CA10: variants seen among roughly 807,000 people sequenced by gnomAD.
CA10 encodes the protein carbonic anhydrase 10 (inactive).
Under a neutral mutation model 44.2 loss-of-function variants are expected in CA10, and 14 were observed. The observed-to-expected ratio is 0.32, with a 90% CI of 0.21 to 0.50. The LOEUF (loss-of-function observed/expected upper bound fraction) is 0.50. Among genes scored for constraint, CA10 ranks in the 20% least tolerant of loss-of-function variants. The probability of loss-of-function intolerance (pLI) is 0.99; values close to 1 mark genes in which losing one functional copy is unlikely to be tolerated. For synonymous variants in CA10, 159 were observed against 141.6 expected (o/e 1.12, Z -0.87); for missense variants, 350 against 409.7 (o/e 0.85, Z 1.26).
At position 51,631,151 on chromosome 17, in the gene CA10, C is replaced by CTTTTGGAAGAATT. The variant is rs1912553074; in HGVS notation, c.*420_*432dup. On this transcript the variant is annotated 3_prime_UTR_variant, in exon 9 of 9. Transcript: ENST00000451037. Reference sequence around the variant, plus strand: ...ATCAGAGCTGTATTTTCTCCTCTCTCTTTTGGAAGAATTTTGTATGTACAA... The same window carrying CTTTTGGAAGAATT: ...ATCAGAGCTGTATTTTCTCCTCTCTCTTTTGGAAGAATTTTTTGGAAGAATTTTGTATGTACAA... The CTTTTGGAAGAATT allele has an allele frequency of 5.8e-6, 1 of 172,450 alleles. No individual in the cohort carries two copies. The highest frequency in any genetic ancestry group is 2.4e-5 in the African/African-American group (1 of 41,746). The allele number at this position is 172,450 out of a possible 1,614,324, so 10.7% of individuals were successfully genotyped here.
chr17:51,755,645 A>T (rs1296865072), intron 3 of CA10, among the ~76,000 whole-genome samples: 2 of 152,246 alleles, frequency 1.3e-5, no homozygotes, highest in Admixed American at 6.5e-5. Context: ...TCTGACGTGT[A>T]CAGGAGCTAC....
At chr17:51,958,556 A>C (rs1025281908) in intron 2 of CA10, among the ~76,000 whole-genome samples, 3 of 152,178 alleles carry the variant, frequency 2.0e-5, no homozygotes, top group African/African-American at 4.8e-5. Flanking sequence ...AGGGAATATA[A>C]AAGTGTATTA....
In CA10 at chr17:52,115,602, A is replaced by G. The variant is rs1345819471; in HGVS notation, c.61+42124T>C. Among the ~76,000 whole-genome samples, 10 of 151,762 alleles carry G rather than the reference A, an allele frequency of 6.6e-5. No individual in the cohort carries two copies. In the East Asian group the frequency reaches 2.0e-3, roughly 30 times the overall value. ...TCTTTTACATATTGGGGGGTGTTCC[A>G]CCCCCACCCCAATGGCCACAGGTGC... On this transcript the variant is annotated intron_variant, in intron 1 of 8. Transcript: ENST00000451037.
At chr17:52,106,864 C>A (rs1412642531) in intron 1 of CA10, among the ~76,000 whole-genome samples, 2 of 152,162 alleles carry the variant, frequency 1.3e-5, no homozygotes, top group East Asian at 3.8e-4. Context: ...GGAGTACATG[C>A]CTGTTTTTGA....
intron 4 of CA10, among the ~76,000 whole-genome samples, chr17:51,718,548 T>A (rs1223924982): frequency 6.6e-6 from 1 of 152,172 alleles, no homozygotes; most frequent in Non-Finnish European, 1.5e-5. Flanking sequence ...GCTCTTCATT[T>A]TTATCTTTTG....
chr17:51,876,870 C>G (rs977484458), intron 3 of CA10, among the ~76,000 whole-genome samples: 11 of 152,180 alleles, frequency 7.2e-5, no homozygotes, highest in African/African-American at 2.7e-4. Context: ...TGTTCTGTAT[C>G]TTTGTGAGTA....
intron 4 of CA10, among the ~76,000 whole-genome samples, chr17:51,685,729 T>G (rs544601624): frequency 6.6e-6 from 1 of 152,310 alleles, no homozygotes; most frequent in South Asian, 2.1e-4. Context: ...GAAATGGGCC[T>G]GAGTGGCAGC....
intron 4 of CA10, among the ~76,000 whole-genome samples, chr17:51,725,800 T>C (rs1320213658): frequency 6.6e-6 from 1 of 152,214 alleles, no homozygotes; most frequent in Non-Finnish European, 1.5e-5. Context: ...TCTTTATACA[T>C]ATATGTGTGC....
At chr17:51,981,661 T>C (rs558602809) in intron 2 of CA10, among the ~76,000 whole-genome samples, 1 of 152,168 alleles carries the variant, frequency 6.6e-6, no homozygotes, top group African/African-American at 2.4e-5. Flanking sequence ...TCACTGTAAA[T>C]AAATAATATT....
rs536223080 is a variant in CA10, at chr17:52,063,648, T to G, written c.136+8671A>C. On this transcript the variant is annotated intron_variant, in intron 2 of 8. Transcript: ENST00000451037. ...TTGCTTCCTCTCTCACCATGTGATCTTTGTACATGCTGCCTCCCCTTCCAC... is the reference window on the plus strand; with the variant it reads ...TTGCTTCCTCTCTCACCATGTGATCGTTGTACATGCTGCCTCCCCTTCCAC... Among the ~76,000 whole-genome samples the G allele has an allele frequency of 3.9e-5, 6 of 152,302 alleles. No individual in the cohort carries two copies. In the South Asian group the frequency reaches 1.2e-3, roughly 32 times the overall value.
At chr17:52,010,708 A>G (rs1463097860) in intron 2 of CA10, among the ~76,000 whole-genome samples, 1 of 151,940 alleles carries the variant, frequency 6.6e-6, no homozygotes, top group African/African-American at 2.4e-5. Flanking sequence ...AATCCCAGAA[A>G]TCACCACTAA....
chr17:51,897,993 G>A (rs921463695), intron 3 of CA10, among the ~76,000 whole-genome samples: 2 of 152,044 alleles, frequency 1.3e-5, no homozygotes, highest in African/African-American at 4.8e-5. Context: ...TCTAGGTATA[G>A]AATCATATTG....
intron 4 of CA10, among the ~76,000 whole-genome samples, chr17:51,670,434 G>C (rs1349969325): frequency 6.6e-6 from 1 of 151,794 alleles, no homozygotes; most frequent in Non-Finnish European, 1.5e-5. Flanking sequence ...TGGTTTGTGG[G>C]CTTTCTCACC....
In CA10 at chr17:51,831,684, G is replaced by GCAGCAGCAGCAGCATCAGCAT. The variant is rs1343331189; in HGVS notation, c.280-83867_280-83866insATGCTGATGCTGCTGCTGCTG. On this transcript the variant is annotated intron_variant, in intron 3 of 8. Coordinates refer to ENST00000451037, the MANE Select transcript of CA10 (RefSeq NM_020178.5). ...AAAAGAAAAAGCAGCAGCAGCAGCA[G>GCAGCAGCAGCAGCATCAGCAT]CAGCAGCAGCAGCAGCAGCAGCAGC... Among the ~76,000 whole-genome samples the GCAGCAGCAGCAGCATCAGCAT allele has an allele frequency of 1.3e-3, 72 of 57,444 alleles. 2 individuals carry two copies. Among genetic ancestry groups the GCAGCAGCAGCAGCATCAGCAT allele is most frequent in the African/African-American group, 5.0e-3 (68 of 13,484 alleles). The allele number at this position is 57,444 out of a possible 152,430, so 37.7% of individuals were successfully genotyped here. A position where few individuals can be genotyped will look rare whatever the true frequency, so the allele number is the denominator to read the frequency against.
chr17:51,704,995 AAAG>A (rs1175984068), intron 4 of CA10, among the ~76,000 whole-genome samples: 3 of 152,102 alleles, frequency 2.0e-5, no homozygotes, highest in Non-Finnish European at 4.4e-5. Context: ...AGAAAAAAGA[AAAG>A]AAAATCTATC....
chr17:51,973,930 A>T (rs1286512310), intron 2 of CA10, among the ~76,000 whole-genome samples: 1 of 152,158 alleles, frequency 6.6e-6, no homozygotes, highest in Non-Finnish European at 1.5e-5. Flanking sequence ...ATTAGCAGAT[A>T]AAGATTATAA....
intron 4 of CA10, among the ~76,000 whole-genome samples, chr17:51,676,033 G>A (rs924191393): frequency 3.3e-5 from 5 of 152,210 alleles, no homozygotes; most frequent in Non-Finnish European, 7.3e-5. Context: ...GCTGCTTATT[G>A]GGAGTCTTGG....
chr17:51,974,387 A>T (rs1031717082), intron 2 of CA10, among the ~76,000 whole-genome samples: 3 of 61,800 alleles, frequency 4.9e-5, no homozygotes, highest in East Asian at 3.0e-4. Flanking sequence ...CATCTCATTT[A>T]AAAAAAAAAA....
intron 1 of CA10, among the ~76,000 whole-genome samples, chr17:52,091,071 G>A (rs1988251701): frequency 6.6e-6 from 1 of 151,858 alleles, no homozygotes. Context: ...ATTATGTAAA[G>A]ACAGAAAAAT....
Sources: allele counts gnomAD v4.1 joint callset (sites outside exome capture counted in the v4.1 genomes callset), GRCh38; gene constraint gnomAD v4.1.1; transcripts MANE v1.5; gene names NCBI Gene and HGNC (gene_info 2026-07-23, HGNC 2026-07-21).